Variants in ABCA4 observed in about 807,000 individuals in gnomAD.
The protein encoded by ABCA4 is ATP binding cassette subfamily A member 4.
A neutral mutation model predicts 263.7 loss-of-function variants in ABCA4; 196 were observed. The ratio of observed to expected loss-of-function variants is 0.74; its 90% CI spans 0.66 to 0.84. ABCA4 has a LOEUF of 0.84. Among genes scored for constraint, ABCA4 ranks in the 40% least tolerant of loss-of-function variants. The pLI, the probability that ABCA4 is intolerant of heterozygous loss-of-function variation, is 0.00. For synonymous variants in ABCA4, 1,133 were observed against 1,094.2 expected (o/e 1.04, Z -0.70); for missense variants, 2,792 against 2,855.1 (o/e 0.98, Z 0.50).
At chr1:94,012,889 G>A (rs2101010761) in intron 38 of ABCA4, among the ~76,000 whole-genome samples, 1 of 150,148 alleles carries the variant, frequency 6.7e-6, no homozygotes, top group East Asian at 1.9e-4. Context: ...TGTTCAGCTG[G>A]TAAAGACCTC....
intron 20 of ABCA4, 46 bp from the exon 21 acceptor site, chr1:94,043,521 C>A: frequency 6.2e-7 from 1 of 1,611,698 alleles, no homozygotes; most frequent in Non-Finnish European, 8.5e-7. Flanking sequence ...AGCACTTCCA[C>A]TTCCAGCAGC....
At chr1:94,044,446 C>G (rs1660615882) in intron 20 of ABCA4, among the ~76,000 whole-genome samples, 167 bp downstream of exon 20, 1 of 152,192 alleles carries the variant, frequency 6.6e-6, no homozygotes, top group Non-Finnish European at 1.5e-5. Context: ...AGGGACAATT[C>G]TCACTGCAAG....
chr1:94,049,077 T>A (rs991911600), intron 17 of ABCA4, 120 bp from the exon 18 acceptor site: 3 of 893,502 alleles, frequency 3.4e-6, no homozygotes, highest in Non-Finnish European at 5.5e-6. Context: ...TGACCTGCTC[T>A]AGGACTGTGA....
intron 42 of ABCA4, 70 bp from the exon 43 acceptor site, chr1:94,007,810 A>T: frequency 7.0e-7 from 1 of 1,425,992 alleles, no homozygotes; most frequent in South Asian, 1.1e-5. Flanking sequence ...CCCCAGGGTA[A>T]GTGTGTGTGT....
intron 26 of ABCA4, 108 bp from the exon 27 acceptor site, chr1:94,032,151 C>T: frequency 7.3e-7 from 1 of 1,376,708 alleles, no homozygotes; most frequent in Non-Finnish European, 1.0e-6. Context: ...TCATTTAAGT[C>T]AGCAATGAAA....
intron 6 of ABCA4, among the ~76,000 whole-genome samples, chr1:94,097,440 A>C (rs946074884): frequency 5.9e-5 from 9 of 152,240 alleles, no homozygotes; most frequent in African/African-American, 1.9e-4. Flanking sequence ...TGAAACAGAC[A>C]AAACACAGTT....
In ABCA4 at chr1:94,104,830, C is replaced by G. The variant is rs900272111; in HGVS notation, c.443-1688G>C. On this transcript the variant is annotated intron_variant, in intron 4 of 49. Coordinates refer to ENST00000370225, the MANE Select transcript of ABCA4 (RefSeq NM_000350.3). ...TCAAAAACATAAATCCGGCTGTCTT[C>G]CAAACCCAGCCCTCCTGCTTTTCCT... Among the ~76,000 whole-genome samples the G allele has an allele frequency of 5.3e-5, 8 of 152,312 alleles. No individual in the cohort carries two copies. The East Asian group carries it at 1.5e-3, about 29-fold the overall frequency.
intron 39 of ABCA4, 102 bp from the exon 40 acceptor site, chr1:94,011,031 G>A (rs1266540892): frequency 1.9e-6 from 3 of 1,601,524 alleles, no homozygotes; most frequent in Non-Finnish European, 2.6e-6. Flanking sequence ...TGTGGGAACT[G>A]AGCAAGAGCC....
chr1:94,041,768 C>A (rs974245691), intron 22 of ABCA4, among the ~76,000 whole-genome samples: 1 of 152,146 alleles, frequency 6.6e-6, no homozygotes, highest in Non-Finnish European at 1.5e-5. Flanking sequence ...AGAACACACA[C>A]GTGCATACTC....
chr1:94,008,158 C>G, intron 42 of ABCA4, 77 bp downstream of exon 42: 2 of 1,347,662 alleles, frequency 1.5e-6, no homozygotes, highest in South Asian at 2.4e-5. Context: ...TTGAATAGCT[C>G]TGCCTTATGG....
chr1:94,067,469 T>G (rs1330480357), intron 11 of ABCA4, among the ~76,000 whole-genome samples: 1 of 152,148 alleles, frequency 6.6e-6, no homozygotes, highest in African/African-American at 2.4e-5. Context: ...TGATAATCTC[T>G]GGGGGAAAAA....
rs61754045 is a variant in ABCA4, at chr1:94,030,953, C to T, written c.4253+43G>A. 8,650 of 1,613,048 alleles carry T rather than the reference C, an allele frequency of 5.4e-3. 22 individuals carry two copies. The highest frequency in any genetic ancestry group is 5.8e-3 in the Non-Finnish European group (6,892 of 1,179,656). ...TTCTAAGCAGCATGTGACCCAGGTG[C>T]CCCAAACCCACAGAGGAGAATGGTG... On this transcript the variant is annotated intron_variant, in intron 28 of 49. Transcript: ENST00000370225.
At chr1:94,079,267 A>G (rs1570406852) in intron 9 of ABCA4, 55 bp downstream of exon 9, 1 of 1,610,132 alleles carries the variant, frequency 6.2e-7, no homozygotes, top group East Asian at 2.2e-5. Flanking sequence ...ACACACACAC[A>G]CACACACTTC....
Position 94,019,605 on chromosome 1 carries a change from C to T in ABCA4, c.5173G>A (p.Val1725Met), listed in dbSNP as rs756847090. The T allele has an allele frequency of 6.2e-7, 1 of 1,609,332 alleles. No homozygotes were observed. Reference sequence around the variant, plus strand: ...ACGATGTCCCAGAGGAAGTTGGTCACCCAGTAGGTGGTGGGGCTCACTCCA... The same window carrying T: ...ACGATGTCCCAGAGGAAGTTGGTCATCCAGTAGGTGGTGGGGCTCACTCCA... ...ISGVSPTTYW[V>M]TNFLWDIMNY... Residue 1725 changes from valine to methionine, a missense_variant, in exon 36 of 50, where the codon GTG becomes ATG. Transcript: ENST00000370225.
intron 40 of ABCA4, among the ~76,000 whole-genome samples, chr1:94,009,699 G>A (rs1659494580): frequency 6.6e-6 from 1 of 152,168 alleles, no homozygotes; most frequent in Non-Finnish European, 1.5e-5. Context: ...AGGGACTATG[G>A]TGTACTTCTC....
chr1:94,002,891 A>G (rs2100997040), intron 44 of ABCA4, among the ~76,000 whole-genome samples: 1 of 152,350 alleles, frequency 6.6e-6, no homozygotes, highest in African/African-American at 2.4e-5. Flanking sequence ...ACTAGAATGT[A>G]ATCTCCATTT....
At chr1:94,078,778 T>C (rs1327542501) in intron 9 of ABCA4, 72 bp from the exon 10 acceptor site, 1 of 1,050,234 alleles carries the variant, frequency 9.5e-7, no homozygotes, top group African/African-American at 1.6e-5. Flanking sequence ...TGGTTGTGTC[T>C]TTTCTGCCCC....
intron 6 of ABCA4, among the ~76,000 whole-genome samples, chr1:94,096,824 G>A (rs1662133841): frequency 6.6e-6 from 1 of 152,210 alleles, no homozygotes; most frequent in South Asian, 2.1e-4. Flanking sequence ...GAATGATGCT[G>A]CTCCCTTCAT....
rs753969320 is a variant in ABCA4, at chr1:94,021,331, G to A, written c.4927C>T (p.Leu1643=). 6.2e-7 allele frequency: 1 copy of A among 1,614,222 alleles called. No individual in the cohort carries two copies. Among genetic ancestry groups the A allele is most frequent in the South Asian group, 1.1e-5 (1 of 91,078 alleles). Residue 1643 remains leucine, a synonymous_variant, in exon 35 of 50, where the codon CTG becomes TTG. Coordinates refer to ENST00000370225, the MANE Select transcript of ABCA4 (RefSeq NM_000350.3). ...TCCTCGGGGCTCCTGTCCTTAGGCAGGCTGGCCCGTAAGATGGCGTTGTGG... is the reference window on the plus strand; with the variant it reads ...TCCTCGGGGCTCCTGTCCTTAGGCAAGCTGGCCCGTAAGATGGCGTTGTGG... ...VAHNAILRAS[L]PKDRSPEEYG... is the part of the protein sequence containing the mutation.
Sources: allele counts gnomAD v4.1 joint callset (sites outside exome capture counted in the v4.1 genomes callset), GRCh38; gene constraint gnomAD v4.1.1; transcripts MANE v1.5; gene names NCBI Gene and HGNC (gene_info 2026-07-23, HGNC 2026-07-21).